Variants in LRP1B observed in about 807,000 individuals in gnomAD.
LRP1B encodes the protein low-density lipoprotein receptor-related protein 1B.
LRP1B carries 217 observed loss-of-function variants against 556.6 expected under a neutral mutation model. That is an observed-to-expected ratio of 0.39 (90% CI 0.35 to 0.44). The LOEUF (loss-of-function observed/expected upper bound fraction) is 0.44. Ranked by LOEUF, LRP1B falls within the 20% of genes least tolerant of loss-of-function variation. LRP1B has a pLI of 1.00. For synonymous variants in LRP1B, 2,047 were observed against 1,865.8 expected (o/e 1.10, Z -2.50); for missense variants, 5,053 against 5,620.8 (o/e 0.90, Z 3.23).
chr2:140,869,620 A>G (rs949822641), intron 25 of LRP1B, among the ~76,000 whole-genome samples: 3 of 152,116 alleles, frequency 2.0e-5, no homozygotes, highest in Non-Finnish European at 4.4e-5. Flanking sequence ...TGGTGGTGGC[A>G]ATAAAGGAGA....
chr2:140,549,217 A>G (rs1215172712), intron 43 of LRP1B, among the ~76,000 whole-genome samples: 1 of 152,174 alleles, frequency 6.6e-6, no homozygotes, highest in Admixed American at 6.6e-5. Context: ...GAGATTCCGC[A>G]TTTCTCAGAA....
intron 41 of LRP1B, among the ~76,000 whole-genome samples, chr2:140,604,513 T>A (rs1412976066): frequency 1.3e-5 from 2 of 152,112 alleles, no homozygotes; most frequent in African/African-American, 4.8e-5. Flanking sequence ...ATAGAGAACA[T>A]ACTTTCATCT....
chr2:142,066,063 GA>G lies in LRP1B; in HGVS notation c.82+64584del, dbSNP rs1185688884. ...AAGTGTGAAATGAAAGGGAAAAAAA[GA>G]ATCACCAGTCCTATGCAATTTCTAA... On this transcript the variant is annotated intron_variant, in intron 1 of 90. Transcript: ENST00000389484. Among the ~76,000 whole-genome samples the G allele has an allele frequency of 2.0e-5, 3 of 151,380 alleles. No individual in the cohort carries two copies. The Admixed American group carries it at 2.0e-4, about 10-fold the overall frequency.
At chr2:141,660,880 C>G (rs1176128092) in intron 2 of LRP1B, among the ~76,000 whole-genome samples, 3 of 152,042 alleles carry the variant, frequency 2.0e-5, no homozygotes, top group Non-Finnish European at 2.9e-5. Context: ...TGGGTGAGAC[C>G]CCCAATCACC....
intron 35 of LRP1B, among the ~76,000 whole-genome samples, chr2:140,746,972 C>T (rs455064): frequency 0.31 from 46,891 of 150,794 alleles, 7,295 homozygotes; most frequent in South Asian, 0.39. Flanking sequence ...ATTAAAAAAA[C>T]ATGGTGAAGT....
intron 61 of LRP1B, among the ~76,000 whole-genome samples, chr2:140,457,146 A>G (rs1236499137): frequency 6.6e-6 from 1 of 152,198 alleles, no homozygotes; most frequent in Non-Finnish European, 1.5e-5. Context: ...CATTTCAGAA[A>G]CTAAGGATCC....
intron 3 of LRP1B, among the ~76,000 whole-genome samples, chr2:141,335,371 T>C (rs1196495021): frequency 1.3e-5 from 2 of 152,206 alleles, no homozygotes; most frequent in East Asian, 1.9e-4. Context: ...ATCAGGAACA[T>C]GAAAATCATA....
At chr2:140,889,702 G>T (rs1232914987) in intron 23 of LRP1B, among the ~76,000 whole-genome samples, 1 of 152,174 alleles carries the variant, frequency 6.6e-6, no homozygotes, top group Non-Finnish European at 1.5e-5. Context: ...GAGGTACAGA[G>T]AAATTATATA....
At chr2:141,674,773 C>T (rs1690812931) in intron 2 of LRP1B, among the ~76,000 whole-genome samples, 1 of 151,890 alleles carries the variant, frequency 6.6e-6, no homozygotes, top group South Asian at 2.1e-4. Context: ...ATTTCTGAAA[C>T]CAAAGTTCTT....
chr2:141,359,623 G>T (rs1049345549), intron 3 of LRP1B, among the ~76,000 whole-genome samples: 1 of 132,524 alleles, frequency 7.5e-6, no homozygotes, highest in African/African-American at 2.7e-5. Context: ...GGGTGCAGTG[G>T]CAGGCACCTG....
At chr2:141,968,429 T>G (rs1701625523) in intron 1 of LRP1B, among the ~76,000 whole-genome samples, 1 of 151,356 alleles carries the variant, frequency 6.6e-6, no homozygotes, top group African/African-American at 2.4e-5. Context: ...AATTCCTTCA[T>G]TTTTTTTGCT....
At chr2:140,416,628 C>T (rs1180448324) in intron 66 of LRP1B, among the ~76,000 whole-genome samples, 1 of 151,654 alleles carries the variant, frequency 6.6e-6, no homozygotes, top group Admixed American at 6.6e-5. Context: ...GCACTCCAGC[C>T]TGGGCAAGAC....
chr2:141,810,129 G>GAAAGAAAGAA (rs1696300568), intron 2 of LRP1B, 150 bp downstream of exon 2: 1 of 387,130 alleles, frequency 2.6e-6, no homozygotes, highest in Non-Finnish European at 4.5e-6. Context: ...AAGAAAGAAA[G>GAAAGAAAGAA]AAAGAAAGAA....
intron 32 of LRP1B, among the ~76,000 whole-genome samples, chr2:140,789,343 C>G (rs1459569545): frequency 2.6e-5 from 4 of 152,168 alleles, no homozygotes; most frequent in Non-Finnish European, 5.9e-5. Flanking sequence ...CCACACTAGT[C>G]CAAGCTATCA....
intron 1 of LRP1B, among the ~76,000 whole-genome samples, chr2:142,125,486 A>T (rs901750029): frequency 1.3e-5 from 2 of 151,828 alleles, no homozygotes; most frequent in African/African-American, 4.8e-5. Context: ...CACATATGGA[A>T]ATTAGTCCAA....
At chr2:140,897,954 G>A (rs1693999062) in intron 23 of LRP1B, among the ~76,000 whole-genome samples, 1 of 152,128 alleles carries the variant, frequency 6.6e-6, no homozygotes, top group Non-Finnish European at 1.5e-5. Flanking sequence ...CCCACTTCAT[G>A]TATTCATCTA....
rs770244633 is a variant in LRP1B at position 140,867,601 on chromosome 2, C to A, written c.4568G>T (p.Arg1523Leu). The A allele has an allele frequency of 6.2e-7, 1 of 1,611,444 alleles. No homozygotes were observed. Among genetic ancestry groups the A allele is most frequent in the South Asian group, 1.1e-5 (1 of 90,778 alleles). Residue 1523 changes from arginine (R) to leucine (L), a missense_variant, in exon 27 of 91, where the codon CGC (arginine) becomes CTC (leucine). Arg to Leu is a moderately radical substitution (Grantham distance 102). Transcript: ENST00000389484. ...PFDLQIYHPS[R>L]QPQAPNPCAA... ...GAACAAGCACTTACCCTGTGGCTGGCGACTGGGATGGTATATCTGAAGGTC... is the reference window on the plus strand; with the variant it reads ...GAACAAGCACTTACCCTGTGGCTGGAGACTGGGATGGTATATCTGAAGGTC...
At chr2:141,555,092 G>A (rs2105237332) in intron 2 of LRP1B, among the ~76,000 whole-genome samples, 1 of 152,136 alleles carries the variant, frequency 6.6e-6, no homozygotes, top group Non-Finnish European at 1.5e-5. Context: ...TGCACTCTAT[G>A]AAGGACTGGA....
intron 1 of LRP1B, among the ~76,000 whole-genome samples, chr2:142,019,454 C>G (rs866035451): frequency 2.6e-5 from 4 of 152,120 alleles, no homozygotes; most frequent in Non-Finnish European, 5.9e-5. Flanking sequence ...CAGAAACTGA[C>G]CACTTCTTAT....
Sources: gnomAD v4.1 joint callset for allele counts (sites outside exome capture counted in the v4.1 genomes callset) on GRCh38, gnomAD v4.1.1 for gene constraint, MANE v1.5 for transcripts, NCBI Gene and HGNC (gene_info 2026-07-23, HGNC 2026-07-21) for gene names.